TAFA4: variants seen among roughly 807,000 people sequenced by gnomAD.
TAFA4 encodes the protein TAFA chemokine like family member 4.
A neutral mutation model predicts 21.1 loss-of-function variants in TAFA4; 20 were observed. The ratio of observed to expected loss-of-function variants is 0.95; its 90% CI spans 0.67 to 1.38. The LOEUF is 1.38. Among genes scored for constraint, TAFA4 ranks in the 40% most tolerant of loss-of-function variants. TAFA4 has a pLI of 0.00. For synonymous variants in TAFA4, 71 were observed against 67.4 expected (o/e 1.05, Z -0.26); for missense variants, 211 against 180.9 (o/e 1.17, Z -0.95).
At chr3:68,791,373 A>C (rs1467607334) in intron 3 of TAFA4, among the ~76,000 whole-genome samples, 4 of 152,326 alleles carry the variant, frequency 2.6e-5, no homozygotes, top group African/African-American at 9.6e-5. Context: ...GAAGTGCTCC[A>C]ACTCAAGCCA....
chr3:68,739,438 T>C lies in TAFA4; in HGVS notation c.287-239A>G, dbSNP rs534498890. ...GAGAAAAGGGAATGCTTATACACTG[T>C]TGCTGTGAAGGTAAATTAGTACAAC... On this transcript the variant is annotated intron_variant, in intron 4 of 5. Transcript: ENST00000295569. Among the ~76,000 whole-genome samples the C allele has an allele frequency of 1.2e-4, 18 of 152,342 alleles. 1 individual carries two copies. Among genetic ancestry groups the C allele is most frequent in the African/African-American group, 3.8e-4 (16 of 41,584 alleles).
At chr3:68,876,897 T>C (rs1022777488) in intron 3 of TAFA4, among the ~76,000 whole-genome samples, 3 of 152,178 alleles carry the variant, frequency 2.0e-5, no homozygotes, top group African/African-American at 7.2e-5. Context: ...CAGGTATTAA[T>C]TGATTCCTTA....
chr3:68,763,887 CACACACAT>C (rs1559513319), intron 3 of TAFA4, among the ~76,000 whole-genome samples: 1 of 152,012 alleles, frequency 6.6e-6, no homozygotes. Context: ...CACACACACA[CACACACAT>C]AAGTATGCAT....
At chr3:68,803,024 C>G (rs1703609182) in intron 3 of TAFA4, among the ~76,000 whole-genome samples, 2 of 152,078 alleles carry the variant, frequency 1.3e-5, no homozygotes. Flanking sequence ...AGCTTTTTTT[C>G]CCTTGTTCCC....
At chr3:68,749,012 C>T (rs75197371) in intron 4 of TAFA4, among the ~76,000 whole-genome samples, 11,352 of 152,104 alleles carry the variant, frequency 0.075, 562 homozygotes, top group African/African-American at 0.14. Flanking sequence ...ATATGCCAGC[C>T]GAAGATTCAC....
chr3:68,744,394 A>G (rs1702413561), intron 4 of TAFA4, among the ~76,000 whole-genome samples: 1 of 152,216 alleles, frequency 6.6e-6, no homozygotes, highest in South Asian at 2.1e-4. Flanking sequence ...AGCAGCAGAC[A>G]GCCAGGGAAG....
chr3:68,831,824 A>C (rs1704402475), intron 3 of TAFA4, among the ~76,000 whole-genome samples: 1 of 152,184 alleles, frequency 6.6e-6, no homozygotes, highest in Non-Finnish European at 1.5e-5. Flanking sequence ...TACACCAATT[A>C]AATGTAGATT....
chr3:68,889,490 C>T (rs2089709901), intron 1 of TAFA4, among the ~76,000 whole-genome samples: 1 of 152,186 alleles, frequency 6.6e-6, no homozygotes, highest in Non-Finnish European at 1.5e-5. Context: ...CCTCAGAGAA[C>T]TATTCTTTCA....
At chr3:68,837,783 A>T (rs1873262) in intron 3 of TAFA4, among the ~76,000 whole-genome samples, 42,546 of 152,116 alleles carry the variant, frequency 0.28, 6,783 homozygotes, top group Non-Finnish European at 0.37. Flanking sequence ...TTGGATATAT[A>T]AAATATCAAT....
chr3:68,833,690 G>T (rs1477980241), intron 3 of TAFA4, among the ~76,000 whole-genome samples: 5 of 152,110 alleles, frequency 3.3e-5, no homozygotes, highest in Admixed American at 6.5e-5. Context: ...TTAAATAAAA[G>T]TTTTTCTTAA....
intron 4 of TAFA4, among the ~76,000 whole-genome samples, chr3:68,741,938 G>A (rs1422444534): frequency 6.6e-6 from 1 of 152,112 alleles, no homozygotes; most frequent in Non-Finnish European, 1.5e-5. Context: ...GAAAATTATA[G>A]GCCAATATCC....
chr3:68,912,346 A>T (rs955787631), intron 1 of TAFA4, among the ~76,000 whole-genome samples: 1 of 152,224 alleles, frequency 6.6e-6, no homozygotes, highest in Non-Finnish European at 1.5e-5. Context: ...AGGGGGAAAT[A>T]GCCATGATTA....
At chr3:68,832,994 G>T (rs1031685460) in intron 3 of TAFA4, among the ~76,000 whole-genome samples, 9 of 152,240 alleles carry the variant, frequency 5.9e-5, no homozygotes, top group African/African-American at 2.2e-4. Flanking sequence ...GGCTCCATGG[G>T]CATGGGACGT....
At chr3:68,852,784 C>T (rs888706850) in intron 3 of TAFA4, among the ~76,000 whole-genome samples, 1 of 152,106 alleles carries the variant, frequency 6.6e-6, no homozygotes, top group African/African-American at 2.4e-5. Flanking sequence ...CTTATCTTAG[C>T]ATTGTCACCT....
At chr3:68,848,050 G>A (rs929819876) in intron 3 of TAFA4, among the ~76,000 whole-genome samples, 3 of 152,110 alleles carry the variant, frequency 2.0e-5, no homozygotes, top group Admixed American at 6.5e-5. Context: ...ATACAATAAT[G>A]CATTTAATCC....
intron 4 of TAFA4, among the ~76,000 whole-genome samples, chr3:68,752,373 C>A (rs1320571463): frequency 6.6e-6 from 1 of 152,144 alleles, no homozygotes. Flanking sequence ...TTGGAGATTA[C>A]AAATGAACGA....
At chr3:68,745,109 GTTATGAGTTAAGGATTGACTAAAAAC>G (rs907692325) in intron 4 of TAFA4, among the ~76,000 whole-genome samples, 1 of 152,142 alleles carries the variant, frequency 6.6e-6, no homozygotes, top group Non-Finnish European at 1.5e-5. Flanking sequence ...TGCAAATTCC[GTTATGAGTTAAGGATTGACTAAAAAC>G]TGACAGCAAG....
In TAFA4 at chr3:68,766,032, G is replaced by A. The variant is rs143981320; in HGVS notation, c.131-13014C>T. Among the ~76,000 whole-genome samples, 790 of 152,182 alleles carry A rather than the reference G, an allele frequency of 5.2e-3. 8 individuals carry two copies. Among genetic ancestry groups the A allele is most frequent in the African/African-American group, 0.018 (731 of 41,520 alleles). On this transcript the variant is annotated intron_variant, in intron 3 of 5. Transcript: ENST00000295569. Reference sequence around the variant, plus strand: ...CTGGGAGAAAGTCTCCAATATGAAAGAGACCAAAATAAATAAACAGAAAAG... The same window carrying A: ...CTGGGAGAAAGTCTCCAATATGAAAAAGACCAAAATAAATAAACAGAAAAG...
At chr3:68,744,892 T>C (rs1013472167) in intron 4 of TAFA4, among the ~76,000 whole-genome samples, 6 of 152,218 alleles carry the variant, frequency 3.9e-5, no homozygotes, top group African/African-American at 1.4e-4. Flanking sequence ...CTCAGATTCC[T>C]TAAAATAGCA....
Sources: allele counts gnomAD v4.1 joint callset (sites outside exome capture counted in the v4.1 genomes callset), GRCh38; gene constraint gnomAD v4.1.1; transcripts MANE v1.5; gene names NCBI Gene and HGNC (gene_info 2026-07-23, HGNC 2026-07-21).